Variants in RIN3 observed in about 807,000 individuals in gnomAD.
RIN3 encodes Ras and Rab interactor 3.
RIN3 carries 54 observed loss-of-function variants against 76.3 expected under a neutral mutation model. The observed-to-expected ratio is 0.71, with a 90% confidence interval of 0.57 to 0.89. The LOEUF (loss-of-function observed/expected upper bound fraction) is 0.89. Among genes scored for constraint, RIN3 ranks in the 40% least tolerant of loss-of-function variants. The probability of loss-of-function intolerance (pLI) is 0.00; values close to 1 mark genes in which losing one functional copy is unlikely to be tolerated. For missense variants in RIN3, 1,256 were observed against 1,322.1 expected, an observed-to-expected ratio of 0.95 and a Z score of 0.78; for synonymous variants, 576 against 564.0, an observed-to-expected ratio of 1.02 and a Z score of -0.30.
chr14:92,671,331 G>A (rs1468748854), intron 7 of RIN3, among the ~76,000 whole-genome samples: 3 of 152,020 alleles, frequency 2.0e-5, no homozygotes, highest in Admixed American at 1.3e-4. Flanking sequence ...AGGAGGGGGG[G>A]AACTGCGTGT....
chr14:92,556,008 G>A, intron 2 of RIN3, 53 bp downstream of exon 2: 6 of 1,498,120 alleles, frequency 4.0e-6, no homozygotes, highest in Non-Finnish European at 5.5e-6. Flanking sequence ...GAGGAACTCA[G>A]GCGTGCTCCA....
chr14:92,597,073 A>C (rs150814571), intron 3 of RIN3, among the ~76,000 whole-genome samples: 1,596 of 152,316 alleles, frequency 0.01, 33 homozygotes, highest in African/African-American at 0.035. Context: ...GGATGGTAAT[A>C]CCCATCTCAC....
rs1009271412 is a variant in RIN3, at chr14:92,685,838, C to CT, written c.2631+689dup. On this transcript the variant is annotated intron_variant, in intron 9 of 9. Transcript: ENST00000216487. This position sits in a 1 kb window ranked among gnomAD's most constrained non-coding sequence, Gnocchi z 4.7. The stretch of plus-strand genomic sequence containing the variant: ...CTCAGTTTCTCCAACAGCCCCTCCT[C>CT]TGAGAAGCCTTCCCTGATACACACA... 6.6e-6 allele frequency: 1 copy of CT among 152,578 alleles called. No individual in the cohort carries two copies. Among genetic ancestry groups the CT allele is most frequent in the African/African-American group, 2.4e-5 (1 of 41,438 alleles). The allele number at this position is 152,578 out of a possible 1,614,324, so 9.5% of individuals were successfully genotyped here.
chr14:92,664,430 C>T lies in RIN3; in HGVS notation c.2335+4961C>T, dbSNP rs551967268. 8.7e-5 allele frequency among the ~76,000 whole-genome samples: 12 copies of T among 137,372 alleles called. No homozygotes were observed. In the South Asian group the frequency reaches 1.2e-3, roughly 13 times the overall value. The allele number at this position is 137,372 out of a possible 152,430, so 90.1% of individuals were successfully genotyped here. A position where few individuals can be genotyped will look rare whatever the true frequency, so the allele number is the denominator to read the frequency against. ...TCGCCCAGGCTGGAGTGCAGTGGCGCGATCTCGGCTCACTGCAAACTCCGC... is the reference window on the plus strand; with the variant it reads ...TCGCCCAGGCTGGAGTGCAGTGGCGTGATCTCGGCTCACTGCAAACTCCGC... On this transcript the variant is annotated intron_variant, in intron 7 of 9. Transcript: ENST00000216487.
At chr14:92,570,428 C>T (rs937634172) in intron 2 of RIN3, among the ~76,000 whole-genome samples, 36 of 152,112 alleles carry the variant, frequency 2.4e-4, no homozygotes, top group African/African-American at 8.0e-4. Context: ...TTTGGGAGGC[C>T]AAGGTGGGCT....
intron 4 of RIN3, among the ~76,000 whole-genome samples, chr14:92,639,641 C>T (rs1886914039): frequency 6.6e-6 from 1 of 152,202 alleles, no homozygotes; most frequent in African/African-American, 2.4e-5. Context: ...AGTCAGGAGC[C>T]CTGGCCTCAG....
intron 1 of RIN3, among the ~76,000 whole-genome samples, chr14:92,551,215 T>A (rs1897415351): frequency 6.6e-6 from 1 of 152,214 alleles, no homozygotes; most frequent in South Asian, 2.1e-4. Flanking sequence ...CCATATGTAC[T>A]TTTTTGCATT....
intron 4 of RIN3, among the ~76,000 whole-genome samples, chr14:92,621,911 A>G (rs761506173): frequency 5.3e-5 from 8 of 152,224 alleles, no homozygotes; most frequent in Non-Finnish European, 7.3e-5. Flanking sequence ...CTTTACCCCA[A>G]TAGATAAGCC....
At chr14:92,598,547 A>T (rs963205768) in intron 3 of RIN3, among the ~76,000 whole-genome samples, 3 of 152,254 alleles carry the variant, frequency 2.0e-5, no homozygotes, top group Non-Finnish European at 2.9e-5. Context: ...CCTTTTACAG[A>T]TGAAGAAACG....
chr14:92,615,658 T>C (rs1291921130), intron 4 of RIN3, 179 bp downstream of exon 4: 2 of 604,782 alleles, frequency 3.3e-6, no homozygotes, highest in South Asian at 2.0e-5. Flanking sequence ...TCTGAGGCTT[T>C]CTCACACTAT....
At chr14:92,556,890 A>G (rs547812539) in intron 2 of RIN3, among the ~76,000 whole-genome samples, 6 of 152,336 alleles carry the variant, frequency 3.9e-5, no homozygotes, top group East Asian at 1.9e-4. Flanking sequence ...TGAAATTCAC[A>G]TAATATAAAA....
chr14:92,549,606 G>A (rs1897369946), intron 1 of RIN3, among the ~76,000 whole-genome samples: 1 of 152,240 alleles, frequency 6.6e-6, no homozygotes, highest in Non-Finnish European at 1.5e-5. Context: ...ACCATGCCCA[G>A]GAGCTGGGCA....
At chr14:92,606,562 A>G (rs1885532721) in intron 3 of RIN3, among the ~76,000 whole-genome samples, 1 of 152,208 alleles carries the variant, frequency 6.6e-6, no homozygotes, top group Non-Finnish European at 1.5e-5. Context: ...AAATAAATAA[A>G]TAAAGACAAG....
At position 92,577,158 on chromosome 14, in the gene RIN3, T is replaced by C; in HGVS notation, c.250-202T>C. On this transcript the variant is annotated intron_variant, in intron 2 of 9. Transcript: ENST00000216487. Reference sequence around the variant, plus strand: ...CAGTGGGCAAATGAGAAACTGAGCATGCAGGATCCTCAATGTGGATGTGGG... The same window carrying C: ...CAGTGGGCAAATGAGAAACTGAGCACGCAGGATCCTCAATGTGGATGTGGG... The C allele has an allele frequency of 1.0e-5, 5 of 498,294 alleles. No individual in the cohort carries two copies. In the South Asian group the frequency reaches 1.1e-4, roughly 11 times the overall value. The allele number at this position is 498,294 out of a possible 1,614,324, so 30.9% of individuals were successfully genotyped here.
intron 1 of RIN3, chr14:92,515,139 CCTT>C (rs1435306896): frequency 1.2e-5 from 8 of 666,590 alleles, no homozygotes; most frequent in African/African-American, 8.9e-5. Flanking sequence ...GTCTCCCTTC[CCTT>C]CTTCTCCCTC....
chr14:92,607,927 A>C (rs1040834249), intron 3 of RIN3, among the ~76,000 whole-genome samples: 1 of 152,250 alleles, frequency 6.6e-6, no homozygotes, highest in Non-Finnish European at 1.5e-5. Context: ...TTCAAAAGAT[A>C]TATACTTTGT....
At chr14:92,580,195 C>G (rs542468390) in intron 3 of RIN3, among the ~76,000 whole-genome samples, 10 of 152,320 alleles carry the variant, frequency 6.6e-5, no homozygotes, top group African/African-American at 1.9e-4. Context: ...ATGGTGAAAC[C>G]CTGTCTCCAC....
At chr14:92,601,067 C>T (rs927568698) in intron 3 of RIN3, among the ~76,000 whole-genome samples, 2 of 152,116 alleles carry the variant, frequency 1.3e-5, no homozygotes, top group African/African-American at 2.4e-5. Context: ...AATATACACA[C>T]TGGACTTTGA....
intron 7 of RIN3, among the ~76,000 whole-genome samples, chr14:92,672,922 C>A (rs1245168890): frequency 6.6e-6 from 1 of 152,140 alleles, no homozygotes; most frequent in Non-Finnish European, 1.5e-5. Flanking sequence ...TATGTCCTAT[C>A]ATACGTACAA....
Sources: gnomAD v4.1 joint callset for allele counts (sites outside exome capture counted in the v4.1 genomes callset) on GRCh38, gnomAD v4.1.1 for gene constraint, Gnocchi (gnomAD v3.1) non-coding constraint, MANE v1.5 for transcripts, NCBI Gene and HGNC (gene_info 2026-07-23, HGNC 2026-07-21) for gene names.